NCAM2: variants seen among roughly 807,000 people sequenced by gnomAD.
NCAM2 encodes the protein neural cell adhesion molecule 2.
In NCAM2, 30 loss-of-function variants were observed where a neutral mutation model predicts 98.1. The observed-to-expected ratio is 0.31, with a 90% confidence interval of 0.23 to 0.41. The LOEUF is 0.41. NCAM2 is among the 10% of genes least tolerant of loss of function. The probability of loss-of-function intolerance (pLI) is 1.00; values close to 1 mark genes in which losing one functional copy is unlikely to be tolerated. For synonymous variants in NCAM2, 368 were observed against 342.4 expected (o/e 1.07, Z -0.83); for missense variants, 867 against 1,005.8 (o/e 0.86, Z 1.87).
intron 1 of NCAM2, among the ~76,000 whole-genome samples, chr21:21,180,232 C>T (rs2068426515): frequency 6.6e-6 from 1 of 152,102 alleles, no homozygotes; most frequent in African/African-American, 2.4e-5. Context: ...TCCAATAAAA[C>T]AATTAAATAA....
intron 5 of NCAM2, among the ~76,000 whole-genome samples, chr21:21,315,623 T>C (rs2074197347): frequency 6.6e-6 from 1 of 152,204 alleles, no homozygotes; most frequent in Non-Finnish European, 1.5e-5. Flanking sequence ...ATTTCCTTCC[T>C]GCTTCCTGAG....
At chr21:21,527,256 C>T (rs964765182) in intron 16 of NCAM2, among the ~76,000 whole-genome samples, 7 of 151,866 alleles carry the variant, frequency 4.6e-5, no homozygotes, top group African/African-American at 9.7e-5. Context: ...GGATTACAGG[C>T]GCGTGCCATC....
At chr21:21,319,183 G>T (rs2074303135) in intron 5 of NCAM2, among the ~76,000 whole-genome samples, 1 of 152,068 alleles carries the variant, frequency 6.6e-6, no homozygotes, top group African/African-American at 2.4e-5. Flanking sequence ...TCTTACACTG[G>T]TGTTTTCAAC....
intron 9 of NCAM2, among the ~76,000 whole-genome samples, chr21:21,377,919 G>T (rs2076068841): frequency 6.6e-6 from 1 of 151,886 alleles, no homozygotes; most frequent in Non-Finnish European, 1.5e-5. Flanking sequence ...CCACAGTTAA[G>T]GAAGATTATG....
intron 1 of NCAM2, among the ~76,000 whole-genome samples, chr21:21,252,862 A>C (rs906265629): frequency 6.6e-6 from 1 of 152,102 alleles, no homozygotes; most frequent in Non-Finnish European, 1.5e-5. Context: ...CCACTCAGAC[A>C]AGTCAAGCCT....
chr21:21,041,362 A>T (rs1329987315), intron 1 of NCAM2, among the ~76,000 whole-genome samples: 1 of 152,228 alleles, frequency 6.6e-6, no homozygotes, highest in African/African-American at 2.4e-5. Flanking sequence ...CATTAATTGT[A>T]TAAGTAGCTG....
intron 1 of NCAM2, among the ~76,000 whole-genome samples, chr21:21,095,521 G>A (rs1233331107): frequency 6.6e-6 from 1 of 151,234 alleles, no homozygotes; most frequent in East Asian, 1.9e-4. Context: ...CATCTTGGAG[G>A]AATACAGATG....
chr21:21,489,108 G>A (rs902115621), intron 15 of NCAM2, among the ~76,000 whole-genome samples: 3 of 151,516 alleles, frequency 2.0e-5, no homozygotes, highest in African/African-American at 4.9e-5. Context: ...CTCATGCCTC[G>A]GCCTGCCTAG....
Position 21,432,105 on chromosome 21 carries a change from T to C in NCAM2, c.1481-3T>C. ...TGTTTTCTTTATATTTCTTTGTCCA[T>C]AGACGTGCCATCCAGTCCCTATGGA... On this transcript the variant is annotated splice_region_variant and splice_polypyrimidine_tract_variant and intron_variant, in intron 11 of 17. Coordinates refer to ENST00000400546, the MANE Select transcript of NCAM2 (RefSeq NM_004540.5). 6.2e-7 allele frequency: 1 copy of C among 1,613,194 alleles called. No homozygotes were observed. The highest frequency in any genetic ancestry group is 8.5e-7 in the Non-Finnish European group (1 of 1,179,320).
At chr21:21,378,131 A>G (rs993097594) in intron 9 of NCAM2, among the ~76,000 whole-genome samples, 3 of 151,542 alleles carry the variant, frequency 2.0e-5, no homozygotes, top group African/African-American at 7.3e-5. Context: ...TGTGAATAAT[A>G]CTGTCATGAA....
chr21:21,373,341 A>G (rs986376209), intron 8 of NCAM2, among the ~76,000 whole-genome samples: 3 of 151,926 alleles, frequency 2.0e-5, no homozygotes, highest in Non-Finnish European at 2.9e-5. Context: ...GCAATCAGGA[A>G]CTATTTTTAA....
chr21:21,490,700 A>G (rs2146306661), intron 15 of NCAM2, among the ~76,000 whole-genome samples: 1 of 151,952 alleles, frequency 6.6e-6, no homozygotes, highest in South Asian at 2.1e-4. Context: ...CCTTTCAAGA[A>G]TATTTTTCTC....
intron 1 of NCAM2, among the ~76,000 whole-genome samples, chr21:21,097,653 T>A (rs1158763727): frequency 6.6e-6 from 1 of 151,596 alleles, no homozygotes; most frequent in Non-Finnish European, 1.5e-5. Context: ...ACAAGCTGGC[T>A]GTTTCAGATC....
At chr21:21,236,756 ATGTGTGTGTGTG>A (rs35816689) in intron 1 of NCAM2, among the ~76,000 whole-genome samples, 14 of 150,106 alleles carry the variant, frequency 9.3e-5, no homozygotes, top group East Asian at 4.0e-4. Flanking sequence ...ATCAGTACAT[ATGTGTGTGTGTG>A]TGTGTGTGTG....
intron 16 of NCAM2, among the ~76,000 whole-genome samples, chr21:21,530,316 A>G (rs1989609914): frequency 9.0e-5 from 2 of 22,248 alleles, no homozygotes; most frequent in South Asian, 1.4e-3. Flanking sequence ...AATTATATAT[A>G]ATTAAATTAA....
At chr21:21,059,956 T>C (rs1167356101) in intron 1 of NCAM2, among the ~76,000 whole-genome samples, 1 of 152,130 alleles carries the variant, frequency 6.6e-6, no homozygotes, top group African/African-American at 2.4e-5. Context: ...TTTGATAATA[T>C]GTTAGCTCCG....
intron 4 of NCAM2, 119 bp downstream of exon 4, chr21:21,286,531 T>C (rs2073107543): frequency 9.0e-7 from 1 of 1,106,698 alleles, no homozygotes. Context: ...ATTCAACAAC[T>C]ATTTTGAGAA....
chr21:21,070,022 G>T (rs1458232898), intron 1 of NCAM2, among the ~76,000 whole-genome samples: 1 of 152,070 alleles, frequency 6.6e-6, no homozygotes, highest in African/African-American at 2.4e-5. Flanking sequence ...GCATGTGTAT[G>T]CATGCACGCT....
In NCAM2 at chr21:21,534,591, T is replaced by G; in HGVS notation, c.2337T>G (p.Val779=). The stretch of plus-strand genomic sequence containing the variant: ...AGATGAGAACAGAGGATGAAAGAGT[T>G]ACTAATCACGAAGATGGGAGCCCAG... ...IVEMRTEDER[V]TNHEDGSPVN... Residue 779 remains valine, a synonymous_variant, in exon 17 of 18, where the codon GTT becomes GTG. Transcript: ENST00000400546. The G allele has an allele frequency of 6.2e-7, 1 of 1,608,108 alleles. No individual in the cohort carries two copies. The highest frequency in any genetic ancestry group is 8.5e-7 in the Non-Finnish European group (1 of 1,175,438).
Sources: gnomAD v4.1 joint callset for allele counts (sites outside exome capture counted in the v4.1 genomes callset) on GRCh38, gnomAD v4.1.1 for gene constraint, MANE v1.5 for transcripts, NCBI Gene and HGNC (gene_info 2026-07-23, HGNC 2026-07-21) for gene names.